The following PRKAG2 variants were observed in gnomAD, a reference collection of about 807,000 sequenced individuals.
PRKAG2 encodes the protein 5'-AMP-activated protein kinase subunit gamma-2.
In PRKAG2, 26 loss-of-function variants were observed where a neutral mutation model predicts 69.6. The ratio of observed to expected loss-of-function variants is 0.37; its 90% confidence interval spans 0.27 to 0.52. The LOEUF (loss-of-function observed/expected upper bound fraction) is 0.52, where lower values mean the gene tolerates loss of function less well. PRKAG2 is among the 20% of genes least tolerant of loss of function. The probability of loss-of-function intolerance (pLI) is 0.90; values close to 1 mark genes in which losing one functional copy is unlikely to be tolerated. For missense variants in PRKAG2, 557 were observed against 740.0 expected, an observed-to-expected ratio of 0.75 and a Z score of 2.87; for synonymous variants, 293 against 285.0, an observed-to-expected ratio of 1.03 and a Z score of -0.28.
intron 1 of PRKAG2, among the ~76,000 whole-genome samples, chr7:151,824,168 G>C (rs1229107427): frequency 2.0e-5 from 3 of 152,136 alleles, no homozygotes; most frequent in African/African-American, 7.2e-5. Context: ...GGGACTCAAG[G>C]GCATGCCGTA....
chr7:151,577,826 T>C (rs1030856161), intron 6 of PRKAG2, among the ~76,000 whole-genome samples: 1 of 151,922 alleles, frequency 6.6e-6, no homozygotes, highest in Admixed American at 6.6e-5. Flanking sequence ...GAAAGGTCTA[T>C]GACAATAAAA....
intron 5 of PRKAG2, among the ~76,000 whole-genome samples, chr7:151,631,378 C>G (rs1258535139): frequency 6.6e-6 from 1 of 152,116 alleles, no homozygotes; most frequent in African/African-American, 2.4e-5. Context: ...GGTGAAAGCT[C>G]GTCACATTCC....
At chr7:151,557,405 TTC>T in intron 15 of PRKAG2, 173 bp from the exon 16 acceptor site, 1 of 985,330 alleles carries the variant, frequency 1.0e-6, no homozygotes, top group Non-Finnish European at 1.2e-6. Context: ...CACCCAATCG[TTC>T]GGGCAGCTTG....
chr7:151,727,533 C>T (rs1586105637), intron 3 of PRKAG2, among the ~76,000 whole-genome samples: 2 of 152,332 alleles, frequency 1.3e-5, no homozygotes, highest in African/African-American at 4.8e-5. Flanking sequence ...TGCAGGCTGG[C>T]GCACGGGTGC....
In PRKAG2 at chr7:151,877,043, T is replaced by G; in HGVS notation, c.-423A>C. On this transcript the variant is annotated 5_prime_UTR_variant, in exon 1 of 16. Coordinates refer to ENST00000287878, the MANE Select transcript of PRKAG2 (RefSeq NM_016203.4). ...AGCAATTTGGAAAACAAGCCTCCTA[T>G]GCCTGTGCCCAAGTGGGGAATCTGG... 1 of 279,928 alleles carries G rather than the reference T, an allele frequency of 3.6e-6. No homozygotes were observed. The highest frequency in any genetic ancestry group is 7.0e-6 in the Non-Finnish European group (1 of 142,236). The allele number at this position is 279,928 out of a possible 1,614,324, so 17.3% of individuals were successfully genotyped here.
intron 4 of PRKAG2, among the ~76,000 whole-genome samples, chr7:151,655,618 C>T (rs73158141): frequency 1.3e-5 from 2 of 152,054 alleles, no homozygotes; most frequent in Non-Finnish European, 2.9e-5. Context: ...AATGAGAGGT[C>T]CCTTGTTCAA....
At chr7:151,608,394 C>G (rs940080394) in intron 5 of PRKAG2, among the ~76,000 whole-genome samples, 1 of 152,204 alleles carries the variant, frequency 6.6e-6, no homozygotes, top group African/African-American at 2.4e-5. Context: ...TTAACTGCTC[C>G]AGTTTTGACA....
intron 1 of PRKAG2, among the ~76,000 whole-genome samples, chr7:151,816,979 G>A (rs972371145): frequency 1.3e-5 from 2 of 152,178 alleles, no homozygotes; most frequent in Non-Finnish European, 2.9e-5. Flanking sequence ...TGATGATGCT[G>A]TAGTTCTCAC....
At chr7:151,706,815 T>C (rs1295277290) in intron 3 of PRKAG2, among the ~76,000 whole-genome samples, 4 of 152,230 alleles carry the variant, frequency 2.6e-5, no homozygotes, top group African/African-American at 7.2e-5. Flanking sequence ...TTCTCCAACC[T>C]GAGCCGGAGG....
chr7:151,639,217 T>A (rs1435784723), intron 4 of PRKAG2, among the ~76,000 whole-genome samples: 1 of 152,150 alleles, frequency 6.6e-6, no homozygotes, highest in Non-Finnish European at 1.5e-5. Context: ...CGTCTTGGTT[T>A]CTTTTGAGAC....
At chr7:151,839,227 G>A (rs572795332) in intron 1 of PRKAG2, among the ~76,000 whole-genome samples, 10 of 152,254 alleles carry the variant, frequency 6.6e-5, no homozygotes, top group East Asian at 5.8e-4. Flanking sequence ...CAGAAAAGTC[G>A]TGATATTCTC....
intron 3 of PRKAG2, among the ~76,000 whole-genome samples, chr7:151,684,570 G>A (rs1292023022): frequency 6.6e-6 from 1 of 152,198 alleles, no homozygotes; most frequent in African/African-American, 2.4e-5. Context: ...ATGGGCAGCT[G>A]CCATTGATAG....
intron 3 of PRKAG2, among the ~76,000 whole-genome samples, chr7:151,753,213 T>G (rs1470257693): frequency 6.6e-6 from 1 of 151,966 alleles, no homozygotes; most frequent in African/African-American, 2.4e-5. Context: ...TGGCTGGAGG[T>G]CTCCTCTTCC....
intron 4 of PRKAG2, among the ~76,000 whole-genome samples, chr7:151,643,886 G>T (rs756757630): frequency 7.9e-5 from 12 of 152,186 alleles, no homozygotes; most frequent in Non-Finnish European, 1.6e-4. Context: ...TTATACGATG[G>T]AATACTATTC....
intron 3 of PRKAG2, among the ~76,000 whole-genome samples, chr7:151,683,470 C>T (rs755259445): frequency 8.5e-5 from 13 of 152,128 alleles, no homozygotes; most frequent in Non-Finnish European, 1.5e-4. Flanking sequence ...CCCTCCACTG[C>T]GTAAATGGAA....
intron 15 of PRKAG2, 198 bp downstream of exon 15, chr7:151,560,326 G>T: frequency 6.7e-7 from 1 of 1,495,234 alleles, no homozygotes; most frequent in South Asian, 1.2e-5. Context: ...CTTCGAATAC[G>T]TTCTATACAC....
At chr7:151,743,304 C>T (rs976097615) in intron 3 of PRKAG2, among the ~76,000 whole-genome samples, 14 of 152,128 alleles carry the variant, frequency 9.2e-5, no homozygotes, top group Non-Finnish European at 1.8e-4. Context: ...AAGCCTGGCA[C>T]GGGACCAGGT....
intron 6 of PRKAG2, among the ~76,000 whole-genome samples, chr7:151,576,952 A>AT (rs1289719218): frequency 2.0e-5 from 3 of 149,262 alleles, no homozygotes; most frequent in Non-Finnish European, 3.0e-5. Context: ...ATTAGAAATT[A>AT]TTTTTTGAAA....
intron 3 of PRKAG2, among the ~76,000 whole-genome samples, chr7:151,738,976 T>C (rs1377601980): frequency 1.3e-5 from 2 of 151,974 alleles, no homozygotes; most frequent in African/African-American, 2.4e-5. Context: ...CCCCGTGAGA[T>C]GAAACCCTGG....
Sources: gnomAD v4.1 joint callset for allele counts (sites outside exome capture counted in the v4.1 genomes callset) on GRCh38, gnomAD v4.1.1 for gene constraint, MANE v1.5 for transcripts, NCBI Gene and HGNC (gene_info 2026-07-23, HGNC 2026-07-21) for gene names.